KBTBD3: variants seen among roughly 807,000 people sequenced by gnomAD.
KBTBD3 encodes the protein kelch repeat and BTB domain-containing protein 3.
KBTBD3 carries 38 observed loss-of-function variants against 49.6 expected under a neutral mutation model. The ratio of observed to expected loss-of-function variants is 0.77; its 90% CI spans 0.59 to 1.00. The LOEUF is 1.00. Ranked by LOEUF, KBTBD3 falls within the 50% of genes least tolerant of loss-of-function variation. KBTBD3 has a pLI of 0.00. For synonymous variants in KBTBD3, 214 were observed against 250.4 expected, an observed-to-expected ratio of 0.85 and a Z score of 1.37; for missense variants, 661 against 712.0, an observed-to-expected ratio of 0.93 and a Z score of 0.81.
intron 2 of KBTBD3, among the ~76,000 whole-genome samples, chr11:106,064,993 A>C (rs1591537034): frequency 6.6e-6 from 1 of 152,322 alleles, no homozygotes; most frequent in East Asian, 1.9e-4. Flanking sequence ...GATTTCTAAA[A>C]GTTCTCTGGA....
At position 106,053,796 on chromosome 11, in the gene KBTBD3, A is replaced by C. The variant is rs763114986; in HGVS notation, c.893T>G (p.Phe298Cys). 6.2e-7 allele frequency: 1 copy of C among 1,613,912 alleles called. No homozygotes were observed. Among genetic ancestry groups the C allele is most frequent in the South Asian group, 1.1e-5 (1 of 91,088 alleles). Residue 298 changes from phenylalanine (F) to cysteine (C), a missense_variant, in exon 4 of 4, where the codon TTC becomes TGC. Phe to Cys is a radical substitution (Grantham distance 205). Coordinates refer to ENST00000531837, the MANE Select transcript of KBTBD3 (RefSeq NM_198439.3). ...TCCATTTTCCTCAGTTTTGTGAATGAATATGTATTTCTCAGTTGTGGATGG... is the reference window on the plus strand; with the variant it reads ...TCCATTTTCCTCAGTTTTGTGAATGCATATGTATTTCTCAGTTGTGGATGG... ...ARPSTTEKYI[F>C]IHKTEENGEN...
At chr11:106,075,442 C>T (rs1385628766) in intron 2 of KBTBD3, 1 of 152,080 alleles carries the variant, frequency 6.6e-6, no homozygotes, top group Non-Finnish European at 1.5e-5. Context: ...CATGACATTC[C>T]CTCTCAAGTA....
Position 106,052,751 on chromosome 11 carries a change from G to A in KBTBD3, c.*99C>T. 1 of 932,188 alleles carries A rather than the reference G, an allele frequency of 1.1e-6. No homozygotes were observed. 57.7% of individuals were successfully genotyped at this position (932,188 alleles called of 1,614,324 possible). On this transcript the variant is annotated 3_prime_UTR_variant, in exon 4 of 4. Coordinates refer to ENST00000531837, the MANE Select transcript of KBTBD3 (RefSeq NM_198439.3). ...TGTACATACATAATAACTAAAAGCA[G>A]GAATGTTTTATTTCATTAAGATGTA... is the stretch of plus-strand genomic sequence containing the variant.
chr11:106,054,548 T>C, intron 3 of KBTBD3, 93 bp from the exon 4 acceptor site: 1 of 814,650 alleles, frequency 1.2e-6, no homozygotes, highest in African/African-American at 1.8e-5. Context: ...TACTCTTGAC[T>C]TAAATATATT....
intron 3 of KBTBD3, chr11:106,058,077 T>TA: frequency 7.5e-6 from 3 of 398,134 alleles, no homozygotes; most frequent in Non-Finnish European, 1.3e-5. Context: ...AAGGTAGTCT[T>TA]AAATTCTCTC....
At chr11:106,055,623 T>C (rs2069163278) in intron 3 of KBTBD3, among the ~76,000 whole-genome samples, 1 of 152,172 alleles carries the variant, frequency 6.6e-6, no homozygotes, top group Admixed American at 6.5e-5. Context: ...CAGCTGGCTA[T>C]ATGGTCCATA....
chr11:106,053,572 T>A lies in KBTBD3; in HGVS notation c.1117A>T (p.Thr373Ser), dbSNP rs748932484. 9.3e-6 allele frequency: 15 copies of A among 1,613,722 alleles called. No individual in the cohort carries two copies. The African/African-American group carries it at 1.9e-4, about 20-fold the overall frequency. Residue 373 changes from threonine (T) to serine (S), a missense_variant, in exon 4 of 4, where the codon ACC becomes TCC. Thr to Ser is a moderately conservative substitution (Grantham distance 58). Transcript: ENST00000531837. ...AESYHDATDQ[T>S]WCYCPVKNDF... ...TTTTTCACTGGACAGTAGCACCAGGTTTGATCAGTGGCATCATGATATGAC... is the reference window on the plus strand; with the variant it reads ...TTTTTCACTGGACAGTAGCACCAGGATTGATCAGTGGCATCATGATATGAC...
chr11:106,067,487 T>C (rs748199384), intron 2 of KBTBD3, among the ~76,000 whole-genome samples: 1 of 151,718 alleles, frequency 6.6e-6, no homozygotes, highest in Non-Finnish European at 1.5e-5. Context: ...CCTGGAGTGG[T>C]AGGCTCCCAG....
At chr11:106,063,427 C>T (rs967298321) in intron 2 of KBTBD3, among the ~76,000 whole-genome samples, 7 of 152,050 alleles carry the variant, frequency 4.6e-5, no homozygotes, top group East Asian at 1.9e-4. Context: ...GCTCAAACTC[C>T]GTTAAATTTT....
At chr11:106,055,321 T>C (rs1860529784) in intron 3 of KBTBD3, among the ~76,000 whole-genome samples, 1 of 152,160 alleles carries the variant, frequency 6.6e-6, no homozygotes, top group Admixed American at 6.5e-5. Flanking sequence ...AATAATGATT[T>C]GTATTTGTGC....
At chr11:106,066,004 C>G (rs1860805208) in intron 2 of KBTBD3, among the ~76,000 whole-genome samples, 1 of 149,366 alleles carries the variant, frequency 6.7e-6, no homozygotes, top group Non-Finnish European at 1.5e-5. Flanking sequence ...CCTAGAGGAG[C>G]ATGTAGATAC....
In KBTBD3 at chr11:106,052,904, C is replaced by A; in HGVS notation, c.1785G>T (p.Gln595His). The change falls in exon 4 of 4, where the codon CAG becomes CAT. Residue 595 changes from glutamine (Q) to histidine (H), a missense_variant. By Grantham distance (24) the Gln-to-His change is conservative. Coordinates refer to ENST00000531837, the MANE Select transcript of KBTBD3 (RefSeq NM_198439.3). ...MPRALTEFYCQVIQFNKYRDP... is the reference protein window; with the variant it reads ...MPRALTEFYCHVIQFNKYRDP... ...CTCTGTATTTATTAAACTGAATCAC[C>A]TGGCAGTAAAATTCTGTTAAGGCTC... 1 of 1,613,560 alleles carries A rather than the reference C, an allele frequency of 6.2e-7. No individual in the cohort carries two copies. Among genetic ancestry groups the A allele is most frequent in the Non-Finnish European group, 8.5e-7 (1 of 1,179,622 alleles).
chr11:106,052,623 A>G lies in KBTBD3; in HGVS notation c.*227T>C, dbSNP rs1860441299. 1 of 433,564 alleles carries G rather than the reference A, an allele frequency of 2.3e-6. No individual in the cohort carries two copies. The highest frequency in any genetic ancestry group is 4.0e-5 in the Admixed American group (1 of 24,874). The allele number at this position is 433,564 out of a possible 1,614,324, so 26.9% of individuals were successfully genotyped here. A position where few individuals can be genotyped will look rare whatever the true frequency, so the allele number is the denominator to read the frequency against. Reference sequence around the variant, plus strand: ...ATGATTTGTAGTTTCATGTGAAAATACTAAGTATTCTGGATTCCCCAAGGT... The same window carrying G: ...ATGATTTGTAGTTTCATGTGAAAATGCTAAGTATTCTGGATTCCCCAAGGT... On this transcript the variant is annotated 3_prime_UTR_variant, in exon 4 of 4. Transcript: ENST00000531837.
chr11:106,052,275 C>T lies in KBTBD3; in HGVS notation c.*575G>A, dbSNP rs1234383058. 1.3e-5 allele frequency: 2 copies of T among 151,562 alleles called. No homozygotes were observed. The highest frequency in any genetic ancestry group is 4.1e-4 in the South Asian group (2 of 4,824). 9.4% of individuals were successfully genotyped at this position (151,562 alleles called of 1,614,324 possible). The stretch of plus-strand genomic sequence containing the variant: ...TAAGTAACTGCTAATGGCATTATAA[C>T]ATGGTACATTATGCTTTTAATGAAA... On this transcript the variant is annotated 3_prime_UTR_variant, in exon 4 of 4. Transcript: ENST00000531837.
At chr11:106,066,024 T>G (rs571512219) in intron 2 of KBTBD3, among the ~76,000 whole-genome samples, 1 of 151,964 alleles carries the variant, frequency 6.6e-6, no homozygotes, top group East Asian at 1.9e-4. Flanking sequence ...CCAGGAAATT[T>G]TGTTTTGCTT....
chr11:106,060,700 C>G (rs1240141536), intron 2 of KBTBD3, among the ~76,000 whole-genome samples: 1 of 152,168 alleles, frequency 6.6e-6, no homozygotes, highest in Admixed American at 6.5e-5. Flanking sequence ...TGGAAGAAAA[C>G]CTAGGCAATA....
rs947915940 is a variant in KBTBD3, at chr11:106,051,242, C to G, written c.*1608G>C. 6.6e-6 allele frequency: 1 copy of G among 151,868 alleles called. No homozygotes were observed. The highest frequency in any genetic ancestry group is 6.6e-5 in the Admixed American group (1 of 15,218). The allele number at this position is 151,868 out of a possible 1,614,324, so 9.4% of individuals were successfully genotyped here. On this transcript the variant is annotated 3_prime_UTR_variant, in exon 4 of 4. Coordinates refer to ENST00000531837, the MANE Select transcript of KBTBD3 (RefSeq NM_198439.3). ...GTTTTCAAAGCCACACACACACAAA[C>G]AAAAGCCTCCACTGAATTTTCCTTT...
In KBTBD3 at chr11:106,052,783, T is replaced by C; in HGVS notation, c.*67A>G. The C allele has an allele frequency of 3.2e-6, 4 of 1,249,624 alleles. No homozygotes were observed. Among genetic ancestry groups the C allele is most frequent in the Non-Finnish European group, 4.5e-6 (4 of 888,988 alleles). The allele number at this position is 1,249,624 out of a possible 1,614,324, so 77.4% of individuals were successfully genotyped here. A position where few individuals can be genotyped will look rare whatever the true frequency, so the allele number is the denominator to read the frequency against. On this transcript the variant is annotated 3_prime_UTR_variant, in exon 4 of 4. Coordinates refer to ENST00000531837, the MANE Select transcript of KBTBD3 (RefSeq NM_198439.3). ...TTTATTTCATTAAGATGTATAGATC[T>C]TTTTACCTATCATTTTGGTTAACAA...
intron 2 of KBTBD3, among the ~76,000 whole-genome samples, chr11:106,065,295 C>T (rs117393893): frequency 0.033 from 4,972 of 152,200 alleles, 110 homozygotes; most frequent in Admixed American, 0.047. Context: ...CGTGAGCCAC[C>T]GCGCCCGGCC....
Sources: allele counts gnomAD v4.1 joint callset (sites outside exome capture counted in the v4.1 genomes callset), GRCh38; gene constraint gnomAD v4.1.1; transcripts MANE v1.5; gene names NCBI Gene and HGNC (gene_info 2026-07-23, HGNC 2026-07-21).